The following ITPR1 variants were observed in gnomAD, a reference collection of about 807,000 sequenced individuals.
ITPR1 encodes inositol 1,4,5-trisphosphate receptor type 1.
A neutral mutation model predicts 318.4 loss-of-function variants in ITPR1; 96 were observed. The ratio of observed to expected loss-of-function variants is 0.30; its 90% CI spans 0.26 to 0.36. The LOEUF is 0.36. ITPR1 is among the 10% of genes least tolerant of loss of function. ITPR1 has a pLI of 1.00. For missense variants in ITPR1, 2,440 were observed against 3,460.2 expected (o/e 0.71, Z 7.40); for synonymous variants, 1,312 against 1,289.9 (o/e 1.02, Z -0.37).
At chr3:4,823,828 AGG>A (rs1192518215) in intron 60 of ITPR1, among the ~76,000 whole-genome samples, 1 of 152,224 alleles carries the variant, frequency 6.6e-6, no homozygotes, top group Admixed American at 6.5e-5. Flanking sequence ...CTGGATCACT[AGG>A]CACTATATAC....
rs1298212856 is a variant in ITPR1, at chr3:4,676,707, C to G, written c.2873C>G (p.Ala958Gly). 2 of 1,613,650 alleles carry G rather than the reference C, an allele frequency of 1.2e-6. No homozygotes were observed. The highest frequency in any genetic ancestry group is 2.7e-5 in the African/African-American group (2 of 74,898). ...GGGFLPMTPM[A>G]AAPEGNVKQA... ...GGCTTTTTGCCCATGACTCCCATGG[C>G]TGCTGCCCCTGAAGGCAATGTGAAG... The change falls in exon 24 of 62, where the codon GCT (alanine) becomes GGT (glycine). Residue 958 changes from alanine (A) to glycine (G), a missense_variant. Ala to Gly is a moderately conservative substitution (Grantham distance 60). Transcript: ENST00000649015.
chr3:4,762,587 C>T (rs888423697), intron 44 of ITPR1, among the ~76,000 whole-genome samples: 1 of 152,216 alleles, frequency 6.6e-6, no homozygotes, highest in Non-Finnish European at 1.5e-5. Context: ...ACAAAATTAA[C>T]ACCATCAGTT....
At chr3:4,664,205 C>G (rs1362281429) in intron 16 of ITPR1, among the ~76,000 whole-genome samples, 1 of 152,170 alleles carries the variant, frequency 6.6e-6, no homozygotes, top group Non-Finnish European at 1.5e-5. Flanking sequence ...TAAGTCACCA[C>G]AGAATCTTTC....
At chr3:4,532,913 T>G (rs1044844116) in intron 4 of ITPR1, among the ~76,000 whole-genome samples, 1 of 152,194 alleles carries the variant, frequency 6.6e-6, no homozygotes, top group African/African-American at 2.4e-5. Context: ...AATTACTGAG[T>G]TTCCCCCGAT....
intron 44 of ITPR1, among the ~76,000 whole-genome samples, chr3:4,762,446 G>A (rs575868105): frequency 2.6e-5 from 4 of 152,300 alleles, no homozygotes; most frequent in Admixed American, 6.5e-5. Context: ...GCTAGTAAGC[G>A]GTGGAGCTGA....
intron 4 of ITPR1, among the ~76,000 whole-genome samples, chr3:4,570,106 A>AT (rs2087824378): frequency 1.3e-5 from 2 of 152,178 alleles, no homozygotes; most frequent in Non-Finnish European, 2.9e-5. Flanking sequence ...TAGAAAACAA[A>AT]TATAGTTGCC....
At chr3:4,723,885 T>C (rs2042331152) in intron 40 of ITPR1, among the ~76,000 whole-genome samples, 1 of 152,244 alleles carries the variant, frequency 6.6e-6, no homozygotes, top group Non-Finnish European at 1.5e-5. Flanking sequence ...GCATGGGAAA[T>C]TGCTTTAATT....
chr3:4,548,377 G>A (rs577817051), intron 4 of ITPR1, among the ~76,000 whole-genome samples: 11 of 152,262 alleles, frequency 7.2e-5, no homozygotes, highest in East Asian at 1.9e-4. Flanking sequence ...AGGGGTGTGC[G>A]TGTGTGTGAA....
chr3:4,846,289 G>C lies in ITPR1; in HGVS notation c.*64G>C, dbSNP rs907818860. ...TATTATTAGTGTGGGTATGGCTAAT[G>C]AGTTCTGATTCACCCACGAAGGTTA... On this transcript the variant is annotated 3_prime_UTR_variant, in exon 62 of 62. Coordinates refer to ENST00000649015, the MANE Select transcript of ITPR1 (RefSeq NM_001378452.1). 4 of 1,101,954 alleles carry C rather than the reference G, an allele frequency of 3.6e-6. No homozygotes were observed. The African/African-American group carries it at 6.2e-5, about 17-fold the overall frequency. The allele number at this position is 1,101,954 out of a possible 1,614,324, so 68.3% of individuals were successfully genotyped here. A position where few individuals can be genotyped will look rare whatever the true frequency, so the allele number is the denominator to read the frequency against.
intron 4 of ITPR1, among the ~76,000 whole-genome samples, chr3:4,573,949 A>C (rs928298047): frequency 1.3e-5 from 2 of 152,228 alleles, no homozygotes; most frequent in Non-Finnish European, 2.9e-5. Context: ...AGAATGTCTG[A>C]TACTGAAAAG....
chr3:4,521,260 A>G (rs994739079), intron 4 of ITPR1, among the ~76,000 whole-genome samples, 166 bp downstream of exon 4: 5 of 152,230 alleles, frequency 3.3e-5, no homozygotes, highest in African/African-American at 1.2e-4. Context: ...AAATGCATAC[A>G]TAAATTTAGT....
Position 4,711,711 on chromosome 3 carries a change from T to A in ITPR1, c.4992-46T>A, listed in dbSNP as rs185694368. On this transcript the variant is annotated intron_variant, in intron 38 of 61. Coordinates refer to ENST00000649015, the MANE Select transcript of ITPR1 (RefSeq NM_001378452.1). ...AATTGCTTGTGAAGTCTTTTTAATT[T>A]AAAATTAGCTTCAAGGAAGTAATCC... is the stretch of plus-strand genomic sequence containing the variant. The A allele has an allele frequency of 7.2e-4, 748 of 1,032,490 alleles. 3 individuals carry two copies. The African/African-American group carries it at 0.011, about 15-fold the overall frequency. The allele number at this position is 1,032,490 out of a possible 1,614,324, so 64.0% of individuals were successfully genotyped here. A position where few individuals can be genotyped will look rare whatever the true frequency, so the allele number is the denominator to read the frequency against.
intron 4 of ITPR1, among the ~76,000 whole-genome samples, chr3:4,586,521 T>C (rs1276275813): frequency 1.3e-5 from 2 of 150,776 alleles, no homozygotes; most frequent in Non-Finnish European, 3.0e-5. Context: ...TTTTTTTTTT[T>C]TTTTTTGAGA....
intron 24 of ITPR1, among the ~76,000 whole-genome samples, chr3:4,678,257 T>C (rs2125223779): frequency 6.6e-6 from 1 of 152,316 alleles, no homozygotes; most frequent in Non-Finnish European, 1.5e-5. Context: ...TAGAGAAAGA[T>C]TCCTTTTTTA....
In ITPR1 at chr3:4,779,607, G is replaced by T. The variant is rs373973399; in HGVS notation, c.6349G>T (p.Ala2117Ser). 117 of 1,612,044 alleles carry T rather than the reference G, an allele frequency of 7.3e-5. No homozygotes were observed. Among genetic ancestry groups the T allele is most frequent in the Non-Finnish European group, 9.5e-5 (112 of 1,178,684 alleles). The change falls in exon 49 of 62, where the codon GCA becomes TCA. Residue 2117 changes from alanine (A) to serine (S), a missense_variant. Around this residue, in one of 23 missense-constraint regions of ITPR1, gnomAD observed 49 missense variants for 47.2 expected, o/e 1.04. Coordinates refer to ENST00000649015, the MANE Select transcript of ITPR1 (RefSeq NM_001378452.1). The surrounding 1 kb of genome is among the most constrained non-coding windows in gnomAD (Gnocchi z 4.0). ...IMESRHDSEN[A>S]ERILYNMRPK... The stretch of plus-strand genomic sequence containing the variant: ...GGAAAGCAGGCACGACAGTGAAAAC[G>T]CAGAGAGGATACTTTATAACATGAG...
chr3:4,756,203 C>A (rs1234189196), intron 44 of ITPR1, among the ~76,000 whole-genome samples: 1 of 152,168 alleles, frequency 6.6e-6, no homozygotes, highest in African/African-American at 2.4e-5. Flanking sequence ...AGAGGAGGGT[C>A]TGACACAAGC....
intron 8 of ITPR1, 32 bp downstream of exon 8, chr3:4,644,266 GTTA>G (rs2093404198): frequency 6.8e-7 from 1 of 1,477,508 alleles, no homozygotes; most frequent in East Asian, 2.3e-5. Flanking sequence ...TGTGGGTGTG[GTTA>G]TCCTGCAGGA....
chr3:4,732,955 C>T (rs538253834), intron 42 of ITPR1, 133 bp from the exon 43 acceptor site: 1 of 875,976 alleles, frequency 1.1e-6, no homozygotes, highest in South Asian at 1.5e-5. Context: ...CTAAATGCTT[C>T]CATGAATAAT....
At chr3:4,520,426 G>A (rs886778337) in intron 3 of ITPR1, among the ~76,000 whole-genome samples, 2 of 152,080 alleles carry the variant, frequency 1.3e-5, no homozygotes, top group African/African-American at 4.8e-5. Context: ...TTGTGCTCAT[G>A]GTTCTTTCCA....
Sources: gnomAD v4.1 joint callset for allele counts (sites outside exome capture counted in the v4.1 genomes callset) on GRCh38, gnomAD v4.1.1 for gene constraint, gnomAD v4.1.1 regional missense constraint, Gnocchi (gnomAD v3.1) non-coding constraint, MANE v1.5 for transcripts, NCBI Gene and HGNC (gene_info 2026-07-23, HGNC 2026-07-21) for gene names.